Variants in IGF2BP2 observed in about 807,000 individuals in gnomAD.
IGF2BP2 encodes insulin like growth factor 2 mRNA binding protein 2, also known as insulin-like growth factor 2 mRNA-binding protein 2.
A neutral mutation model predicts 75.8 loss-of-function variants in IGF2BP2; 17 were observed. The observed-to-expected ratio is 0.22, with a 90% CI of 0.15 to 0.34. IGF2BP2 has a LOEUF of 0.34. Among genes scored for constraint, IGF2BP2 ranks in the 10% least tolerant of loss-of-function variants. IGF2BP2 has a pLI of 1.00. For missense variants in IGF2BP2, 516 were observed against 772.4 expected, an observed-to-expected ratio of 0.67 and a Z score of 3.93; for synonymous variants, 288 against 295.6, an observed-to-expected ratio of 0.97 and a Z score of 0.26.
chr3:185,807,576 T>C (rs927239105), intron 2 of IGF2BP2, among the ~76,000 whole-genome samples: 1 of 152,228 alleles, frequency 6.6e-6, no homozygotes, highest in African/African-American at 2.4e-5. Flanking sequence ...TCCTAATTAT[T>C]AAAAACCAAG....
chr3:185,792,623 C>T (rs1310742420), intron 2 of IGF2BP2, among the ~76,000 whole-genome samples: 2 of 151,774 alleles, frequency 1.3e-5, no homozygotes, highest in Admixed American at 6.6e-5. Flanking sequence ...AAAAGTTAGC[C>T]GGGCCTGGTG....
chr3:185,648,960 AGT>A (rs1714089235), intron 14 of IGF2BP2, among the ~76,000 whole-genome samples: 1 of 151,126 alleles, frequency 6.6e-6, no homozygotes. Flanking sequence ...CACAGGCCTG[AGT>A]GAAATCCAGG....
intron 2 of IGF2BP2, among the ~76,000 whole-genome samples, chr3:185,757,309 C>A (rs773576833): frequency 5.3e-5 from 8 of 152,176 alleles, no homozygotes; most frequent in African/African-American, 7.2e-5. Context: ...TACTAACTTC[C>A]TATGATGTGC....
chr3:185,754,711 T>C (rs1731382740), intron 2 of IGF2BP2, among the ~76,000 whole-genome samples: 3 of 152,188 alleles, frequency 2.0e-5, no homozygotes, highest in Non-Finnish European at 4.4e-5. Context: ...TAATGGGAAC[T>C]GGAGTAAAAG....
At chr3:185,811,311 A>G (rs904823912) in intron 2 of IGF2BP2, among the ~76,000 whole-genome samples, 14 of 152,182 alleles carry the variant, frequency 9.2e-5, no homozygotes, top group Admixed American at 8.5e-4. Context: ...TATCAAGAAA[A>G]GGACTTTTCC....
At chr3:185,796,675 T>G (rs1737462098) in intron 2 of IGF2BP2, among the ~76,000 whole-genome samples, 1 of 149,606 alleles carries the variant, frequency 6.7e-6, no homozygotes, top group South Asian at 2.1e-4. Flanking sequence ...ACAATTTTCC[T>G]ACCAGCACAT....
At chr3:185,777,492 A>G (rs1364402556) in intron 2 of IGF2BP2, among the ~76,000 whole-genome samples, 1 of 152,198 alleles carries the variant, frequency 6.6e-6, no homozygotes, top group Non-Finnish European at 1.5e-5. Flanking sequence ...CCCTGTCTCA[A>G]AAAAACAACA....
intron 2 of IGF2BP2, among the ~76,000 whole-genome samples, chr3:185,799,418 C>T (rs1297500024): frequency 1.3e-5 from 2 of 151,940 alleles, no homozygotes; most frequent in African/African-American, 4.8e-5. Context: ...ACCACAATGA[C>T]ATACCATCTC....
intron 10 of IGF2BP2, among the ~76,000 whole-genome samples, chr3:185,659,842 T>A (rs1048480717): frequency 6.6e-5 from 10 of 151,896 alleles, no homozygotes; most frequent in African/African-American, 2.4e-4. Flanking sequence ...TTGACTAGGC[T>A]GGAGTGCAGT....
chr3:185,813,384 T>C (rs1005144795), intron 2 of IGF2BP2, among the ~76,000 whole-genome samples: 1 of 152,214 alleles, frequency 6.6e-6, no homozygotes, highest in Non-Finnish European at 1.5e-5. Context: ...GATTTCATCA[T>C]CTTTAGTGGT....
intron 2 of IGF2BP2, among the ~76,000 whole-genome samples, chr3:185,785,491 T>C (rs757847524): frequency 6.6e-6 from 1 of 151,982 alleles, no homozygotes; most frequent in Non-Finnish European, 1.5e-5. Flanking sequence ...ACTTAAGCAT[T>C]TGACAAACTT....
intron 14 of IGF2BP2, among the ~76,000 whole-genome samples, chr3:185,649,134 A>C (rs1467240892): frequency 1.3e-5 from 2 of 151,994 alleles, no homozygotes; most frequent in Non-Finnish European, 2.9e-5. Context: ...GATGGGTATT[A>C]CTGGGCACAG....
intron 5 of IGF2BP2, 23 bp downstream of exon 5, chr3:185,692,676 G>T (rs1449628211): frequency 1.3e-6 from 2 of 1,577,004 alleles, no homozygotes; most frequent in Non-Finnish European, 1.7e-6. Context: ...AATTTAAACA[G>T]AAATAAGCCC....
intron 2 of IGF2BP2, among the ~76,000 whole-genome samples, chr3:185,710,883 A>G (rs1578054698): frequency 3.3e-5 from 5 of 152,116 alleles, no homozygotes; most frequent in Admixed American, 6.5e-5. Flanking sequence ...CTTACATAAT[A>G]CCAATAAAAA....
At chr3:185,738,945 C>T (rs367938713) in intron 2 of IGF2BP2, among the ~76,000 whole-genome samples, 61 of 152,176 alleles carry the variant, frequency 4.0e-4, no homozygotes, top group African/African-American at 1.3e-3. Context: ...CTTTCCTTTC[C>T]ACTCCTACAA....
intron 2 of IGF2BP2, among the ~76,000 whole-genome samples, chr3:185,777,953 A>G (rs556977697): frequency 1.1e-4 from 16 of 152,126 alleles, no homozygotes; most frequent in African/African-American, 3.9e-4. Flanking sequence ...CTGAGGCAGG[A>G]GAATCTCTTG....
chr3:185,665,302 GAGAAGGAGC>G (rs1717193597), intron 10 of IGF2BP2, among the ~76,000 whole-genome samples: 1 of 119,794 alleles, frequency 8.3e-6, no homozygotes, highest in Non-Finnish European at 1.7e-5. Context: ...GGAGGAGAAG[GAGAAGGAGC>G]AGAAGGAGAA....
At chr3:185,677,037 ATATG>A (rs1307709591) in intron 7 of IGF2BP2, among the ~76,000 whole-genome samples, 18 of 72,824 alleles carry the variant, frequency 2.5e-4, no homozygotes, top group African/African-American at 9.1e-4. Flanking sequence ...ATATATATAT[ATATG>A]GAGATATATA....
At chr3:185,824,092 G>A (rs980643031) in intron 1 of IGF2BP2, among the ~76,000 whole-genome samples, 1 of 151,984 alleles carries the variant, frequency 6.6e-6, no homozygotes, top group African/African-American at 2.4e-5. Context: ...GAGAAAAATA[G>A]GAGCGCTTGA....
Sources: allele counts gnomAD v4.1 joint callset (sites outside exome capture counted in the v4.1 genomes callset), GRCh38; gene constraint gnomAD v4.1.1; transcripts MANE v1.5; gene names NCBI Gene and HGNC (gene_info 2026-07-23, HGNC 2026-07-21).